The following FGL1 variants were observed in gnomAD, a reference collection of about 807,000 sequenced individuals.
FGL1 encodes fibrinogen like 1.
Under a neutral mutation model 43.7 loss-of-function variants are expected in FGL1, and 59 were observed. The ratio of observed to expected loss-of-function variants is 1.35; its 90% CI spans 1.10 to 1.68. The LOEUF (loss-of-function observed/expected upper bound fraction) is 1.68. Ranked by LOEUF, FGL1 falls within the 40% of genes most tolerant of loss-of-function variation. The pLI, the probability that FGL1 is intolerant of heterozygous loss-of-function variation, is 0.00. For synonymous variants in FGL1, 192 were observed against 126.5 expected (o/e 1.52, Z -3.48); for missense variants, 596 against 373.0 (o/e 1.60, Z -4.92).
At chr8:17,878,583 A>G (rs956842527) in intron 3 of FGL1, among the ~76,000 whole-genome samples, 11 of 152,146 alleles carry the variant, frequency 7.2e-5, no homozygotes, top group African/African-American at 2.7e-4. Context: ...TGACACAGTA[A>G]CCTTTTAATT....
rs3739406 is a variant in FGL1, at chr8:17,882,029, T to G, written c.214A>C (p.Ile72Leu). The change falls in exon 3 of 8, where the codon ATT becomes CTT. Residue 72 changes from isoleucine (I) to leucine (L), a missense_variant. Physicochemically the swap from Ile to Leu is conservative, Grantham distance 5. Coordinates refer to ENST00000427924, the MANE Select transcript of FGL1 (RefSeq NM_004467.4). Reference sequence around the variant, plus strand: ...TACTGCCTCTTGCTTCCAAGATCAATGACAGTATTCTCATCTCCTTTATCA... The same window carrying G: ...TACTGCCTCTTGCTTCCAAGATCAAGGACAGTATTCTCATCTCCTTTATCA... ...FLDKGDENTVIDLGSKRQYAD... is the reference protein window; with the variant it reads ...FLDKGDENTVLDLGSKRQYAD... The G allele has an allele frequency of 1.9e-6, 3 of 1,613,432 alleles. No individual in the cohort carries two copies. The South Asian group carries it at 3.3e-5, about 18-fold the overall frequency.
intron 3 of FGL1, among the ~76,000 whole-genome samples, chr8:17,875,154 C>A (rs2053426240): frequency 6.6e-6 from 1 of 152,100 alleles, no homozygotes; most frequent in Non-Finnish European, 1.5e-5. Flanking sequence ...TGAAAATGAA[C>A]CCAAAATAGT....
In FGL1 at chr8:17,881,488, A is replaced by G. The variant is rs771177946; in HGVS notation, c.244+511T>C. Among the ~76,000 whole-genome samples, 50 of 151,696 alleles carry G rather than the reference A, an allele frequency of 3.3e-4. No individual in the cohort carries two copies. In the Middle Eastern group the frequency reaches 0.01, roughly 31 times the overall value. ...GTCCTGATTTCTTATTAAATGATAT[A>G]AATTCTCAGATATTTAGCATTCACA... On this transcript the variant is annotated intron_variant, in intron 3 of 7. Transcript: ENST00000427924.
At chr8:17,890,613 C>T (rs1411928698) in intron 1 of FGL1, among the ~76,000 whole-genome samples, 1 of 152,146 alleles carries the variant, frequency 6.6e-6, no homozygotes, top group Non-Finnish European at 1.5e-5. Context: ...CCCCTACTGT[C>T]TTAGTCCATT....
At chr8:17,868,419 G>C (rs951628373) in intron 7 of FGL1, 129 bp downstream of exon 7, 5 of 676,614 alleles carry the variant, frequency 7.4e-6, no homozygotes, top group South Asian at 5.2e-5. Flanking sequence ...ATTCTAATGA[G>C]AATGATTACT....
rs183176946 is a variant in FGL1 at position 17,878,206 on chromosome 8, C to T, written c.245-3685G>A. ...GCCTCAAGTGTTCCTCCCACCTCGG[C>T]CTCTCAAAGTGCAGGGATTACAGGC... On this transcript the variant is annotated intron_variant, in intron 3 of 7. Transcript: ENST00000427924. Among the ~76,000 whole-genome samples, 36 of 152,252 alleles carry T rather than the reference C, an allele frequency of 2.4e-4. 1 individual carries two copies. The East Asian group carries it at 5.2e-3, about 22-fold the overall frequency.
At position 17,875,529 on chromosome 8, in the gene FGL1, T is replaced by TC; in HGVS notation, c.245-1009_245-1008insG. ...TTTCTTTCTTTCTTTCTTTCTTTCT[T>TC]TCTTTCTCTTTCTTTCTTTCTTTCT... On this transcript the variant is annotated intron_variant, in intron 3 of 7. Transcript: ENST00000427924. 7.7e-4 allele frequency among the ~76,000 whole-genome samples: 9 copies of TC among 11,642 alleles called. 1 individual carries two copies. Among genetic ancestry groups the TC allele is most frequent in the African/African-American group, 2.5e-3 (9 of 3,560 alleles). 7.6% of individuals were successfully genotyped at this position (11,642 alleles called of 152,430 possible).
intron 1 of FGL1, chr8:17,891,660 A>ATATC (rs2053706804): frequency 1.0e-6 from 1 of 984,602 alleles, no homozygotes; most frequent in Admixed American, 6.1e-5. Flanking sequence ...TACTGAATAG[A>ATATC]TGAGAAGAAA....
Position 17,882,163 on chromosome 8 carries a change from G to C in FGL1, c.80C>G (p.Ala27Gly). ...GREISALEDC[A>G]QEQMRLRAQV... ...GGCTCTGAGCCGCATCTGCTCCTGGGCACAGTCCTCGAGCGCCTGCAAAAC... is the reference window on the plus strand; with the variant it reads ...GGCTCTGAGCCGCATCTGCTCCTGGCCACAGTCCTCGAGCGCCTGCAAAAC... The change falls in exon 3 of 8, where the codon GCC becomes GGC. Residue 27 changes from alanine (A) to glycine (G), a missense_variant. By Grantham distance (60) the Ala-to-Gly change is moderately conservative. Coordinates refer to ENST00000427924, the MANE Select transcript of FGL1 (RefSeq NM_004467.4). The C allele has an allele frequency of 6.2e-7, 1 of 1,613,596 alleles. No homozygotes were observed. Among genetic ancestry groups the C allele is most frequent in the Non-Finnish European group, 8.5e-7 (1 of 1,179,918 alleles).
At chr8:17,872,484 G>C (rs1334195424) in intron 5 of FGL1, among the ~76,000 whole-genome samples, 3 of 151,960 alleles carry the variant, frequency 2.0e-5, no homozygotes, top group South Asian at 2.1e-4. Context: ...TGTATTTTTA[G>C]TAGAGATGGG....
chr8:17,865,618 T>A (rs1327580877), intron 7 of FGL1, among the ~76,000 whole-genome samples: 1 of 152,254 alleles, frequency 6.6e-6, no homozygotes. Context: ...TAAAAATGTT[T>A]CTTTCCTCCT....
At chr8:17,882,633 T>A (rs1344277383) in intron 2 of FGL1, 1 of 149,402 alleles carries the variant, frequency 6.7e-6, no homozygotes, top group African/African-American at 2.5e-5. Context: ...GGCATGTAAA[T>A]CTCCATAATA....
intron 1 of FGL1, chr8:17,891,438 CTG>C (rs1325849752): frequency 6.6e-6 from 1 of 152,306 alleles, no homozygotes; most frequent in Admixed American, 6.6e-5. Flanking sequence ...TGTCTTTCCT[CTG>C]TGTGTCTCTG....
At chr8:17,889,615 C>T (rs537826827) in intron 1 of FGL1, among the ~76,000 whole-genome samples, 22 of 152,232 alleles carry the variant, frequency 1.4e-4, no homozygotes, top group African/African-American at 4.3e-4. Flanking sequence ...ATTTCATTAG[C>T]CTCACAGTGA....
At chr8:17,867,388 C>G (rs1013074474) in intron 7 of FGL1, among the ~76,000 whole-genome samples, 6 of 151,934 alleles carry the variant, frequency 3.9e-5, no homozygotes, top group Non-Finnish European at 7.4e-5. Context: ...TTTCAGAACG[C>G]TAGGGGGAAA....
chr8:17,893,917 A>AT (rs2053741442), intron 1 of FGL1, among the ~76,000 whole-genome samples: 1 of 147,218 alleles, frequency 6.8e-6, no homozygotes, highest in South Asian at 2.1e-4. Context: ...CTTTTATAAT[A>AT]TTTTTGCCTT....
At chr8:17,871,754 T>C (rs1411127937) in intron 5 of FGL1, among the ~76,000 whole-genome samples, 1 of 152,258 alleles carries the variant, frequency 6.6e-6, no homozygotes, top group East Asian at 1.9e-4. Context: ...ATTGTCTGGA[T>C]TGATGGGATA....
intron 1 of FGL1, among the ~76,000 whole-genome samples, chr8:17,890,399 C>T (rs1041606639): frequency 6.6e-6 from 1 of 152,180 alleles, no homozygotes; most frequent in South Asian, 2.1e-4. Flanking sequence ...TTTGCCTGTT[C>T]TGGCTACATT....
chr8:17,881,890 T>G, intron 3 of FGL1, 109 bp downstream of exon 3: 1 of 903,364 alleles, frequency 1.1e-6, no homozygotes, highest in East Asian at 2.5e-5. Flanking sequence ...ATATAATGCT[T>G]CATATTGCTT....
Sources: gnomAD v4.1 joint callset for allele counts (sites outside exome capture counted in the v4.1 genomes callset) on GRCh38, gnomAD v4.1.1 for gene constraint, MANE v1.5 for transcripts, NCBI Gene and HGNC (gene_info 2026-07-23, HGNC 2026-07-21) for gene names.